TTN: variants seen among roughly 807,000 people sequenced by gnomAD.
TTN encodes connectin.
TTN carries 1,525 observed loss-of-function variants against 3,223.0 expected under a neutral mutation model. That is an observed-to-expected ratio of 0.47 (90% CI 0.45 to 0.49). The LOEUF (loss-of-function observed/expected upper bound fraction) is 0.49. Among genes scored for constraint, TTN ranks in the 20% least tolerant of loss-of-function variants. The pLI, the probability that TTN is intolerant of heterozygous loss-of-function variation, is 0.00. For synonymous variants in TTN, 14,094 were observed against 15,161.0 expected (o/e 0.93, Z 5.17); for missense variants, 40,786 against 43,424.0 (o/e 0.94, Z 5.40).
Position 178,756,502 on chromosome 2 carries a change from C to T in TTN, c.10974G>A (p.Glu3658=), listed in dbSNP as rs1212855481. ...GAAGATGCAGGAAAATCTTGGGCGC[C>T]TCACCCGTGGACTCTTTAGCACATT... ...SKECAKESTG[E]APKIFLHLQD... The change falls in exon 46 of 363, where the codon GAG becomes GAA. Residue 3658 remains glutamate, a synonymous_variant. Coordinates refer to ENST00000589042, the MANE Select transcript of TTN (RefSeq NM_001267550.2). The T allele has an allele frequency of 1.9e-6, 3 of 1,613,684 alleles. No individual in the cohort carries two copies. Among genetic ancestry groups the T allele is most frequent in the African/African-American group, 1.3e-5 (1 of 74,918 alleles).
Position 178,721,944 on chromosome 2 carries a change from T to C in TTN, c.22719A>G (p.Arg7573=). The change falls in exon 78 of 363, where the codon AGA becomes AGG. Residue 7573 remains arginine (R), a synonymous_variant. Transcript: ENST00000589042. ...ITCVGNTPHL[R]ILKVGKGDSG... ...AGTCTCCTTTGCCTACTTTAAGAAT[T>C]CTCAAATGAGGAGTGTTTCCCACAC... 1 of 1,613,588 alleles carries C rather than the reference T, an allele frequency of 6.2e-7. No homozygotes were observed. The highest frequency in any genetic ancestry group is 8.5e-7 in the Non-Finnish European group (1 of 1,179,602).
At position 178,613,854 on chromosome 2, in the gene TTN, C is replaced by T. The variant is rs1219575984; in HGVS notation, c.49429G>A (p.Asp16477Asn). Residue 16477 changes from aspartate (D) to asparagine (N), a missense_variant, in exon 263 of 363, where the codon GAT becomes AAT. Physicochemically the swap from Asp to Asn is conservative, Grantham distance 23. Coordinates refer to ENST00000589042, the MANE Select transcript of TTN (RefSeq NM_001267550.2). The stretch of plus-strand genomic sequence containing the variant: ...TATCCTGTGATTGGGCTGCCACCAT[C>T]ATCATCTGGCTCACACCATGTGAGA... ...VTLTWCEPDD[D>N]GGSPITGYWV... 1 of 1,612,426 alleles carries T rather than the reference C, an allele frequency of 6.2e-7. No individual in the cohort carries two copies. The highest frequency in any genetic ancestry group is 8.5e-7 in the Non-Finnish European group (1 of 1,179,046).
At position 178,767,740 on chromosome 2, in the gene TTN, T is replaced by C. The variant is rs751892013; in HGVS notation, c.9471+19A>G. On this transcript the variant is annotated intron_variant, in intron 40 of 362. Transcript: ENST00000589042. Reference sequence around the variant, plus strand: ...GGACTACTGATGATTTTTCAAAACATTTAGTATGTAGACAATACCTGAACC... The same window carrying C: ...GGACTACTGATGATTTTTCAAAACACTTAGTATGTAGACAATACCTGAACC... 6.2e-6 allele frequency: 10 copies of C among 1,613,210 alleles called. No individual in the cohort carries two copies. Among genetic ancestry groups the C allele is most frequent in the South Asian group, 3.3e-5 (3 of 91,086 alleles).
intron 274 of TTN, 64 bp downstream of exon 274, chr2:178,608,542 T>C: frequency 6.4e-7 from 1 of 1,564,314 alleles, no homozygotes; most frequent in Non-Finnish European, 8.6e-7. Flanking sequence ...TTTTAAAAGC[T>C]GTAGTAATTA....
Position 178,618,011 on chromosome 2 carries a change from T to A in TTN, c.47340A>T (p.Glu15780Asp). The A allele has an allele frequency of 6.2e-7, 1 of 1,612,560 alleles. No individual in the cohort carries two copies. Among genetic ancestry groups the A allele is most frequent in the Non-Finnish European group, 8.5e-7 (1 of 1,179,116 alleles). The change falls in exon 253 of 363, where the codon GAA (glutamate) becomes GAT (aspartate). Residue 15780 changes from glutamate to aspartate, a missense_variant. By Grantham distance (45) the Glu-to-Asp change is conservative. Transcript: ENST00000589042. ...CAGCACCTCCATCATACTCTGGTGGTTCCCATGTCAGTGAGACACCAAATC... is the reference window on the plus strand; with the variant it reads ...CAGCACCTCCATCATACTCTGGTGGATCCCATGTCAGTGAGACACCAAATC... ...VNRFGVSLTW[E>D]PPEYDGGAEI... is the part of the protein sequence containing the mutation.
Position 178,694,577 on chromosome 2 carries a change from G to A in TTN, c.31426+22C>T, listed in dbSNP as rs1326605499. On this transcript the variant is annotated intron_variant, in intron 117 of 362. Coordinates refer to ENST00000589042, the MANE Select transcript of TTN (RefSeq NM_001267550.2). ...TAAATAAAAAAATTTTGAACTTGTA[G>A]CTGAAACACAAAGATGTATACCTTT... 6.5e-6 allele frequency: 10 copies of A among 1,535,480 alleles called. No homozygotes were observed. In the East Asian group the frequency reaches 2.4e-4, roughly 38 times the overall value.
Position 178,632,639 on chromosome 2 carries a change from A to C in TTN, c.43367T>G (p.Ile14456Arg). The C allele has an allele frequency of 1.2e-6, 2 of 1,613,502 alleles. No homozygotes were observed. Among genetic ancestry groups the C allele is most frequent in the Non-Finnish European group, 1.7e-6 (2 of 1,179,596 alleles). The change falls in exon 235 of 363, where the codon ATA becomes AGA. Residue 14456 changes from isoleucine (I) to arginine (R), a missense_variant. Coordinates refer to ENST00000589042, the MANE Select transcript of TTN (RefSeq NM_001267550.2). ...EITGDDRFEL[I>R]KDGTKHSMVI... ...CATTGAATGCTTAGTGCCATCCTTT[A>C]TAAGCTCAAATCTGTCATCACCTGT...
intron 294 of TTN, 54 bp downstream of exon 294, chr2:178,597,484 A>C: frequency 2.6e-6 from 4 of 1,548,136 alleles, no homozygotes; most frequent in Non-Finnish European, 1.7e-6. Flanking sequence ...CTTTGTGTAA[A>C]TATAATAAGA....
rs1327738981 is a variant in TTN, at chr2:178,649,234, T to C, written c.40057+14A>G. On this transcript the variant is annotated intron_variant, in intron 213 of 362. Transcript: ENST00000589042. ...AGCAGTTAGAGAAATCTATTTTTTC[T>C]TCATGGTAGGTACCTTTTTCTGGAA... 2 of 1,497,582 alleles carry C rather than the reference T, an allele frequency of 1.3e-6. No individual in the cohort carries two copies. The highest frequency in any genetic ancestry group is 5.3e-5 in the East Asian group (2 of 38,070). The allele number at this position is 1,497,582 out of a possible 1,614,324, so 92.8% of individuals were successfully genotyped here.
At position 178,572,087 on chromosome 2, in the gene TTN, C is replaced by A. The variant is rs879033144; in HGVS notation, c.74045G>T (p.Gly24682Val). ...TGAAACACGGAAAGAGTATTCTTCA[C>A]CCTGAATTAATCCAGTGATAGTGGC... ...TEATITGLIQGEEYSFRVSAQ... is the reference protein window; with the variant it reads ...TEATITGLIQVEEYSFRVSAQ... The change falls in exon 326 of 363, where the codon GGT becomes GTT. Residue 24682 changes from glycine to valine, a missense_variant. Transcript: ENST00000589042. The A allele has an allele frequency of 6.2e-7, 1 of 1,613,252 alleles. No homozygotes were observed. Among genetic ancestry groups the A allele is most frequent in the South Asian group, 1.1e-5 (1 of 91,054 alleles).
In TTN at chr2:178,732,586, G is replaced by A. The variant is rs1162269961; in HGVS notation, c.16475C>T (p.Ser5492Phe). The A allele has an allele frequency of 1.2e-6, 2 of 1,613,526 alleles. No homozygotes were observed. The highest frequency in any genetic ancestry group is 2.2e-5 in the East Asian group (1 of 44,828). Residue 5492 changes from serine to phenylalanine, a missense_variant, in exon 56 of 363, where the codon TCT (serine) becomes TTT (phenylalanine). By Grantham distance (155) the Ser-to-Phe change is radical. Coordinates refer to ENST00000589042, the MANE Select transcript of TTN (RefSeq NM_001267550.2). ...RWFKGNKELV[S>F]GGSCYITKEA... is the part of the protein sequence containing the mutation. ...TTTGGTAATATAGCAGCTTCCACCA[G>A]AAACCAGCTCTTTGTTGCCCTTAAA...
In TTN at chr2:178,576,314, G is replaced by A; in HGVS notation, c.69818C>T (p.Thr23273Ile). 6.4e-7 allele frequency: 1 copy of A among 1,573,540 alleles called. No individual in the cohort carries two copies. Among genetic ancestry groups the A allele is most frequent in the Non-Finnish European group, 8.6e-7 (1 of 1,163,912 alleles). The stretch of plus-strand genomic sequence containing the variant: ...TTTTTGATGCTCCACGACATAGCCA[G>A]TGATTTCAAGTCCACCATCATAATG... The part of the protein sequence containing the change: ...KPHYDGGLEI[T>I]GYVVEHQKVG... Residue 23273 changes from threonine (T) to isoleucine (I), a missense_variant, in exon 326 of 363, where the codon ACT becomes ATT. Transcript: ENST00000589042. The surrounding 1 kb of genome is among the most constrained non-coding windows in gnomAD (Gnocchi z 4.3).
In TTN at chr2:178,565,075, A is replaced by G. The variant is rs114908705; in HGVS notation, c.81057T>C (p.Thr27019=). The G allele has an allele frequency of 1.2e-3, 1,879 of 1,613,616 alleles. 21 individuals are homozygous for G. In the African/African-American group the frequency reaches 0.022, roughly 19 times the overall value. The change falls in exon 326 of 363, where the codon ACT becomes ACC. Residue 27019 remains threonine, a synonymous_variant. Coordinates refer to ENST00000589042, the MANE Select transcript of TTN (RefSeq NM_001267550.2). Reference sequence around the variant, plus strand: ...CAACTGTTGCTGATACCATGTGCCAAGTGGTGGTGGTTGTATCTCGCTTCT... The same window carrying G: ...CAACTGTTGCTGATACCATGTGCCAGGTGGTGGTGGTTGTATCTCGCTTCT... The part of the protein sequence containing the change: ...IVEKRDTTTT[T]WHMVSATVAR...
rs772792515 is a variant in TTN at position 178,735,976 on chromosome 2, T to C, written c.14470A>G (p.Ile4824Val). 1 of 1,613,820 alleles carries C rather than the reference T, an allele frequency of 6.2e-7. No individual in the cohort carries two copies. The highest frequency in any genetic ancestry group is 2.2e-5 in the East Asian group (1 of 44,852). ...CCATCTTTCTGCCAAATGGTTTCTA[T>C]CACAGGAGTCCCTGTCACTGTGCAG... The part of the protein sequence containing the change: ...FICTVTGTPV[I>V]ETIWQKDGAA... Residue 4824 changes from isoleucine to valine, a missense_variant, in exon 50 of 363, where the codon ATA becomes GTA. Coordinates refer to ENST00000589042, the MANE Select transcript of TTN (RefSeq NM_001267550.2).
chr2:178,701,481 T>G (rs775051119), intron 110 of TTN, 47 bp downstream of exon 110: 3 of 1,586,352 alleles, frequency 1.9e-6, no homozygotes, highest in Middle Eastern at 1.7e-4. Flanking sequence ...TTCCTAGTGC[T>G]AGAATATTGC....
intron 151 of TTN, among the ~76,000 whole-genome samples, 184 bp downstream of exon 151, chr2:178,674,130 A>G (rs1304374906): frequency 6.6e-6 from 1 of 151,788 alleles, no homozygotes; most frequent in African/African-American, 2.4e-5. Context: ...GTTGTATTGC[A>G]GATGTTGTAG....
chr2:178,784,995 T>A (rs1335393762), intron 15 of TTN, among the ~76,000 whole-genome samples: 1 of 152,230 alleles, frequency 6.6e-6, no homozygotes, highest in African/African-American at 2.4e-5. Flanking sequence ...GTGACTAATA[T>A]CAAGGATTTA....
chr2:178,720,232 T>C lies in TTN; in HGVS notation c.23410A>G (p.Thr7804Ala), dbSNP rs1319873133. The C allele has an allele frequency of 6.2e-7, 1 of 1,612,028 alleles. No individual in the cohort carries two copies. Among genetic ancestry groups the C allele is most frequent in the East Asian group, 2.2e-5 (1 of 44,844 alleles). The change falls in exon 81 of 363, where the codon ACC (threonine) becomes GCC (alanine). Residue 7804 changes from threonine to alanine, a missense_variant. Transcript: ENST00000589042. ...PPRFVKKLSD[T>A]STLIGDAVEL... The stretch of plus-strand genomic sequence containing the variant: ...ACAGCATCCCCAATAAGGGTTGAGG[T>C]GTCACTTAGCTTTTTCACGAATCGT...
chr2:178,758,528 A>C (rs1479986305), intron 44 of TTN, among the ~76,000 whole-genome samples: 1 of 152,234 alleles, frequency 6.6e-6, no homozygotes, highest in Non-Finnish European at 1.5e-5. Context: ...AGGAGGATGA[A>C]TATAGCTCGC....
Sources: allele counts gnomAD v4.1 joint callset (sites outside exome capture counted in the v4.1 genomes callset), GRCh38; gene constraint gnomAD v4.1.1; non-coding constraint Gnocchi (gnomAD v3.1); transcripts MANE v1.5; gene names NCBI Gene and HGNC (gene_info 2026-07-23, HGNC 2026-07-21).